Variants in CDH8 observed in about 807,000 individuals in gnomAD.
CDH8 encodes cadherin 8.
A neutral mutation model predicts 68.1 loss-of-function variants in CDH8; 17 were observed. That is an observed-to-expected ratio of 0.25 (90% CI 0.17 to 0.37). The LOEUF (loss-of-function observed/expected upper bound fraction) is 0.37. Among genes scored for constraint, CDH8 ranks in the 10% least tolerant of loss-of-function variants. The pLI is 1.00. For missense variants in CDH8, 763 were observed against 999.3 expected (o/e 0.76, Z 3.19); for synonymous variants, 372 against 365.1 (o/e 1.02, Z -0.21).
At chr16:61,858,418 G>A (rs1005211080) in intron 3 of CDH8, among the ~76,000 whole-genome samples, 2 of 152,210 alleles carry the variant, frequency 1.3e-5, no homozygotes, top group African/African-American at 2.4e-5. Context: ...GAAAAAGTCT[G>A]GTGTGGTAAC....
intron 8 of CDH8, among the ~76,000 whole-genome samples, chr16:61,749,785 C>G (rs1196518131): frequency 6.6e-6 from 1 of 152,050 alleles, no homozygotes; most frequent in Admixed American, 6.6e-5. Context: ...ACCTCTGTGT[C>G]TAATTCCATA....
At chr16:61,921,907 TG>T (rs1225069991) in intron 2 of CDH8, among the ~76,000 whole-genome samples, 6 of 152,234 alleles carry the variant, frequency 3.9e-5, no homozygotes, top group South Asian at 4.1e-4. Flanking sequence ...GGCATGTGCC[TG>T]TAATCCCAGC....
intron 10 of CDH8, among the ~76,000 whole-genome samples, chr16:61,701,589 T>C (rs1964429268): frequency 6.6e-6 from 1 of 152,240 alleles, no homozygotes; most frequent in Non-Finnish European, 1.5e-5. Flanking sequence ...GAGAATTAAA[T>C]GGTAGTTTTG....
chr16:61,964,419 C>T (rs781417034), intron 2 of CDH8, among the ~76,000 whole-genome samples: 27 of 152,218 alleles, frequency 1.8e-4, no homozygotes, highest in Non-Finnish European at 3.2e-4. Context: ...CATTTAGACA[C>T]TCCAATTCAC....
chr16:61,738,881 T>C (rs976582660), intron 8 of CDH8, among the ~76,000 whole-genome samples: 1 of 152,144 alleles, frequency 6.6e-6, no homozygotes, highest in Admixed American at 6.5e-5. Flanking sequence ...GTCTTCATCC[T>C]ATTATGTATT....
chr16:61,719,823 G>A (rs1321415173), intron 9 of CDH8, among the ~76,000 whole-genome samples: 2 of 150,796 alleles, frequency 1.3e-5, no homozygotes, highest in Non-Finnish European at 3.0e-5. Context: ...TTCTCTGAAG[G>A]AAATTTGAAA....
chr16:61,776,417 A>G (rs986286041), intron 8 of CDH8, among the ~76,000 whole-genome samples: 3 of 150,890 alleles, frequency 2.0e-5, no homozygotes, highest in African/African-American at 7.3e-5. Context: ...TATTGTTATA[A>G]AAAAAAATTG....
intron 8 of CDH8, among the ~76,000 whole-genome samples, chr16:61,746,596 T>C (rs1156312356): frequency 4.5e-5 from 5 of 110,634 alleles, no homozygotes; most frequent in Non-Finnish European, 7.4e-5. Context: ...CACACACACA[T>C]TATGATGTAA....
intron 2 of CDH8, among the ~76,000 whole-genome samples, chr16:61,942,065 G>A (rs909237773): frequency 6.6e-6 from 1 of 152,092 alleles, no homozygotes; most frequent in Non-Finnish European, 1.5e-5. Flanking sequence ...AAATATTCCT[G>A]AAGTCCCAGT....
At chr16:61,751,111 A>G (rs1280513465) in intron 8 of CDH8, among the ~76,000 whole-genome samples, 1 of 152,138 alleles carries the variant, frequency 6.6e-6, no homozygotes, top group Non-Finnish European at 1.5e-5. Context: ...TCCAACATAC[A>G]TATGGCAAAC....
rs577940054 is a variant in CDH8, at chr16:61,815,841, T to C, written c.1277+1638A>G. On this transcript the variant is annotated intron_variant, in intron 7 of 11. Transcript: ENST00000577390. The stretch of plus-strand genomic sequence containing the variant: ...TCCTTTCAGAGGAAATTGAGAAACA[T>C]AGGAACAGGGCAGATTCATCCACTC... Among the ~76,000 whole-genome samples the C allele has an allele frequency of 2.6e-5, 4 of 152,146 alleles. No individual in the cohort carries two copies. In the South Asian group the frequency reaches 8.3e-4, roughly 32 times the overall value.
chr16:61,890,139 A>C (rs1469425563), intron 3 of CDH8, among the ~76,000 whole-genome samples: 4 of 152,230 alleles, frequency 2.6e-5, no homozygotes, highest in African/African-American at 9.7e-5. Context: ...GAGGAAAACC[A>C]ATGTATTTAG....
At chr16:61,873,196 AT>A (rs1382498750) in intron 3 of CDH8, among the ~76,000 whole-genome samples, 19 of 152,358 alleles carry the variant, frequency 1.2e-4, no homozygotes, top group Admixed American at 9.1e-4. Context: ...TATACGAATA[AT>A]AAAAAGATTA....
intron 2 of CDH8, among the ~76,000 whole-genome samples, chr16:62,007,279 T>G (rs1023417533): frequency 2.0e-5 from 3 of 152,182 alleles, no homozygotes; most frequent in Non-Finnish European, 2.9e-5. Flanking sequence ...CTTTTCTACC[T>G]CCCACGTCTC....
In CDH8 at chr16:61,877,793, A is replaced by G. The variant is rs539676723; in HGVS notation, c.548-20555T>C. On this transcript the variant is annotated intron_variant, in intron 3 of 11. Transcript: ENST00000577390. ...AAAAGAGAAAATGAATGCACGGGGG[A>G]AAAATATTAGAGAATTTTGCTTCCT... 1.2e-4 allele frequency among the ~76,000 whole-genome samples: 18 copies of G among 152,276 alleles called. No homozygotes were observed. In the East Asian group the frequency reaches 1.4e-3, roughly 11 times the overall value.
At chr16:61,799,059 C>T (rs1961560461) in intron 7 of CDH8, among the ~76,000 whole-genome samples, 1 of 152,134 alleles carries the variant, frequency 6.6e-6, no homozygotes, top group African/African-American at 2.4e-5. Context: ...CCAAAGCCCT[C>T]ATGATGACCT....
chr16:61,657,416 A>G (rs1963468980), intron 10 of CDH8, among the ~76,000 whole-genome samples: 1 of 152,120 alleles, frequency 6.6e-6, no homozygotes, highest in Admixed American at 6.5e-5. Flanking sequence ...TTGTTTTCTG[A>G]ACTTCTTCTG....
At chr16:61,835,730 A>G (rs1962555174) in intron 4 of CDH8, among the ~76,000 whole-genome samples, 1 of 152,024 alleles carries the variant, frequency 6.6e-6, no homozygotes, top group Non-Finnish European at 1.5e-5. Context: ...TCCTTAAGCC[A>G]CAATTCCAAT....
Position 62,022,148 on chromosome 16 carries a change from A to T in CDH8, c.-199-546T>A, listed in dbSNP as rs1438228090. 2.0e-5 allele frequency among the ~76,000 whole-genome samples: 3 copies of T among 152,158 alleles called. No homozygotes were observed. The East Asian group carries it at 5.8e-4, about 29-fold the overall frequency. On this transcript the variant is annotated intron_variant, in intron 1 of 11. Transcript: ENST00000577390. Reference sequence around the variant, plus strand: ...AGCTTTGAATTAACAACATTAAAAAAATATAAATGAGAATGGGAAGGGGAA... The same window carrying T: ...AGCTTTGAATTAACAACATTAAAAATATATAAATGAGAATGGGAAGGGGAA...
Sources: allele counts gnomAD v4.1 joint callset (sites outside exome capture counted in the v4.1 genomes callset), GRCh38; gene constraint gnomAD v4.1.1; transcripts MANE v1.5; gene names NCBI Gene and HGNC (gene_info 2026-07-23, HGNC 2026-07-21).